The following PREX2 variants were observed in gnomAD, a reference collection of about 807,000 sequenced individuals.
PREX2 encodes phosphatidylinositol 3,4,5-trisphosphate-dependent Rac exchanger 2 protein.
In PREX2, 107 loss-of-function variants were observed where a neutral mutation model predicts 203.2. The ratio of observed to expected loss-of-function variants is 0.53; its 90% CI spans 0.45 to 0.62. The LOEUF (loss-of-function observed/expected upper bound fraction) is 0.62. Among genes scored for constraint, PREX2 ranks in the 20% least tolerant of loss-of-function variants. The pLI is 0.00. For synonymous variants in PREX2, 672 were observed against 663.6 expected, an observed-to-expected ratio of 1.01 and a Z score of -0.19; for missense variants, 1,777 against 1,955.9, an observed-to-expected ratio of 0.91 and a Z score of 1.72.
In PREX2 at chr8:68,046,148, A is replaced by T. The variant is rs965773897; in HGVS notation, c.943+1558A>T. Among the ~76,000 whole-genome samples the T allele has an allele frequency of 2.0e-5, 3 of 151,986 alleles. No homozygotes were observed. The East Asian group carries it at 5.8e-4, about 29-fold the overall frequency. On this transcript the variant is annotated intron_variant, in intron 8 of 39. Transcript: ENST00000288368. Reference sequence around the variant, plus strand: ...ATTTTCTTCCATTTTTGGCTTTCCCATGGGCATAGAGTCCCTGGCCTTATT... The same window carrying T: ...ATTTTCTTCCATTTTTGGCTTTCCCTTGGGCATAGAGTCCCTGGCCTTATT...
intron 24 of PREX2, 88 bp downstream of exon 24, chr8:68,108,419 C>T: frequency 1.2e-6 from 1 of 842,532 alleles, no homozygotes; most frequent in Non-Finnish European, 1.9e-6. Context: ...TCAATAGATA[C>T]CTGGTGTGCA....
Position 67,952,594 on chromosome 8 carries a change from A to C in PREX2, c.141+59A>C, listed in dbSNP as rs569250132. 145 of 1,573,398 alleles carry C rather than the reference A, an allele frequency of 9.2e-5. 1 individual carries two copies. In the Middle Eastern group the frequency reaches 1.4e-3, roughly 15 times the overall value. On this transcript the variant is annotated intron_variant, in intron 1 of 39. Coordinates refer to ENST00000288368, the MANE Select transcript of PREX2 (RefSeq NM_024870.4). ...GGGCGGCGCGGGGCGCGGGTCCCGG[A>C]GTGGCTGCGGGAAGGACGCGCGGCA...
chr8:68,155,222 A>G (rs1248811250), intron 34 of PREX2, among the ~76,000 whole-genome samples: 1 of 152,158 alleles, frequency 6.6e-6, no homozygotes, highest in Non-Finnish European at 1.5e-5. Context: ...AAAGTGTCAT[A>G]TTTTAAGGGT....
chr8:68,054,899 G>A lies in PREX2; in HGVS notation c.1094-931G>A, dbSNP rs139024489. ...ATTCAGTCACTCTCATCAGAGGCCC[G>A]GAAGGCATCTGATTTCTTCTCTTTC... On this transcript the variant is annotated intron_variant, in intron 9 of 39. Coordinates refer to ENST00000288368, the MANE Select transcript of PREX2 (RefSeq NM_024870.4). Among the ~76,000 whole-genome samples the A allele has an allele frequency of 1.5e-4, 23 of 152,282 alleles. No individual in the cohort carries two copies. In the East Asian group the frequency reaches 4.1e-3, roughly 27 times the overall value.
In PREX2 at chr8:67,986,544, C is replaced by T. The variant is rs140439815; in HGVS notation, c.142-31302C>T. Among the ~76,000 whole-genome samples, 413 of 152,332 alleles carry T rather than the reference C, an allele frequency of 2.7e-3. 4 individuals are homozygous for T. The highest frequency in any genetic ancestry group is 9.5e-3 in the African/African-American group (393 of 41,578). The stretch of plus-strand genomic sequence containing the variant: ...ATGTAGACATCTTAGCTGGATTGGC[C>T]TCTGAGTCCTCTGTAATACTTTCAT... On this transcript the variant is annotated intron_variant, in intron 1 of 39. Coordinates refer to ENST00000288368, the MANE Select transcript of PREX2 (RefSeq NM_024870.4).
chr8:67,969,269 TTC>T (rs2129018710), intron 1 of PREX2, among the ~76,000 whole-genome samples: 1 of 152,262 alleles, frequency 6.6e-6, no homozygotes, highest in African/African-American at 2.4e-5. Flanking sequence ...CCCAGCTCAG[TTC>T]TCTCTCTGTG....
chr8:68,230,407 A>G (rs2129615633), intron 39 of PREX2, among the ~76,000 whole-genome samples: 1 of 152,354 alleles, frequency 6.6e-6, no homozygotes, highest in South Asian at 2.1e-4. Context: ...CAGTGGGACC[A>G]GTGTGGCCAT....
chr8:68,075,492 A>T (rs1430580067), intron 14 of PREX2, among the ~76,000 whole-genome samples: 1 of 152,166 alleles, frequency 6.6e-6, no homozygotes, highest in African/African-American at 2.4e-5. Flanking sequence ...GCCTCGCCAG[A>T]TCCTCTAGCC....
chr8:68,081,739 G>A (rs1205947433), intron 17 of PREX2, among the ~76,000 whole-genome samples: 1 of 152,158 alleles, frequency 6.6e-6, no homozygotes, highest in African/African-American at 2.4e-5. Context: ...CTGTTGCCCA[G>A]GCTAGAGTCC....
At chr8:68,088,428 G>A (rs1023778190) in intron 19 of PREX2, among the ~76,000 whole-genome samples, 5 of 152,108 alleles carry the variant, frequency 3.3e-5, no homozygotes, top group South Asian at 2.1e-4. Context: ...AGTAACTTGC[G>A]CCTATAGCAA....
intron 1 of PREX2, among the ~76,000 whole-genome samples, chr8:67,993,329 TAA>T (rs1806661799): frequency 6.6e-6 from 1 of 152,128 alleles, no homozygotes; most frequent in Non-Finnish European, 1.5e-5. Context: ...TTTGTAGTTA[TAA>T]TTCTAGTTTC....
chr8:68,009,739 G>C lies in PREX2; in HGVS notation c.142-8107G>C, dbSNP rs559720943. Among the ~76,000 whole-genome samples, 120 of 152,228 alleles carry C rather than the reference G, an allele frequency of 7.9e-4. 4 individuals are homozygous for C. In the South Asian group the frequency reaches 0.021, roughly 27 times the overall value. On this transcript the variant is annotated intron_variant, in intron 1 of 39. Transcript: ENST00000288368. ...TTTGTTTACAAATATAATGACTTAT[G>C]ATACATAAATACATTTTAATTTAAA...
At chr8:68,056,276 G>T (rs1425465080) in intron 10 of PREX2, among the ~76,000 whole-genome samples, 3 of 152,162 alleles carry the variant, frequency 2.0e-5, no homozygotes, top group Non-Finnish European at 4.4e-5. Context: ...AGGTTTGCCT[G>T]CAGGGGACAG....
chr8:68,195,396 C>T (rs567779884), intron 37 of PREX2, among the ~76,000 whole-genome samples: 2 of 152,272 alleles, frequency 1.3e-5, no homozygotes, highest in South Asian at 2.1e-4. Context: ...TGCCCCATAA[C>T]GGGCTGAATT....
chr8:68,166,786 G>A (rs371256612), intron 35 of PREX2, among the ~76,000 whole-genome samples: 2 of 152,110 alleles, frequency 1.3e-5, no homozygotes, highest in African/African-American at 4.8e-5. Context: ...TGGGCAAATA[G>A]AGAGACCCTG....
intron 15 of PREX2, among the ~76,000 whole-genome samples, chr8:68,078,032 T>G (rs1392255956): frequency 1.3e-5 from 2 of 152,186 alleles, no homozygotes; most frequent in Non-Finnish European, 2.9e-5. Flanking sequence ...TGCCCTGGGA[T>G]GACTTCAAGT....
At position 68,234,086 on chromosome 8, in the gene PREX2, C is replaced by T. The variant is rs1210459474; in HGVS notation, c.*2708C>T. On this transcript the variant is annotated 3_prime_UTR_variant, in exon 40 of 40. Transcript: ENST00000288368. ...AAAACTATTTTGTATCATGTTCCTC[C>T]TCATCAAAAATAACAGTTTTAGATA... The T allele has an allele frequency of 6.6e-6, 1 of 152,114 alleles. No individual in the cohort carries two copies. The highest frequency in any genetic ancestry group is 1.9e-4 in the East Asian group (1 of 5,194). 9.4% of individuals were successfully genotyped at this position (152,114 alleles called of 1,614,324 possible).
intron 35 of PREX2, chr8:68,176,716 G>C (rs1811986748): frequency 6.6e-6 from 1 of 152,240 alleles, no homozygotes; most frequent in Non-Finnish European, 1.5e-5. Context: ...ATGGAAGGTA[G>C]CTTTCGTGAG....
At chr8:68,105,679 G>GTCTGGCTTTTACGTGC in intron 23 of PREX2, 1 of 186,632 alleles carries the variant, frequency 5.4e-6, no homozygotes, top group Non-Finnish European at 5.9e-6. Context: ...TATATATATG[G>GTCTGGCTTTTACGTGC]ATTATATATA....
Sources: gnomAD v4.1 joint callset for allele counts (sites outside exome capture counted in the v4.1 genomes callset) on GRCh38, gnomAD v4.1.1 for gene constraint, MANE v1.5 for transcripts, NCBI Gene and HGNC (gene_info 2026-07-23, HGNC 2026-07-21) for gene names.